KANK4: variants seen among roughly 807,000 people sequenced by gnomAD.
The protein encoded by KANK4 is KN motif and ankyrin repeat domain-containing protein 4.
KANK4 carries 50 observed loss-of-function variants against 80.8 expected under a neutral mutation model. The observed-to-expected ratio is 0.62, with a 90% CI of 0.49 to 0.78. The LOEUF (loss-of-function observed/expected upper bound fraction) is 0.78. Ranked by LOEUF, KANK4 falls within the 30% of genes least tolerant of loss-of-function variation. The probability of loss-of-function intolerance (pLI) is 0.00; values close to 1 mark genes in which losing one functional copy is unlikely to be tolerated. For synonymous variants in KANK4, 465 were observed against 506.9 expected (o/e 0.92, Z 1.11); for missense variants, 1,196 against 1,240.1 (o/e 0.96, Z 0.53).
intron 7 of KANK4, 30 bp downstream of exon 7, chr1:62,263,062 C>T: frequency 6.5e-7 from 1 of 1,546,782 alleles, no homozygotes; most frequent in Non-Finnish European, 8.9e-7. Context: ...AAGGAGGGAC[C>T]CAGACTGTAT....
At chr1:62,258,179 G>A (rs1281051756) in intron 7 of KANK4, among the ~76,000 whole-genome samples, 1 of 152,176 alleles carries the variant, frequency 6.6e-6, no homozygotes, top group Non-Finnish European at 1.5e-5. Context: ...ACTGGAAAAG[G>A]CAATTAAGAT....
chr1:62,288,436 G>A (rs978828551), intron 1 of KANK4, among the ~76,000 whole-genome samples: 3 of 152,190 alleles, frequency 2.0e-5, no homozygotes, highest in Non-Finnish European at 4.4e-5. Context: ...TCAGCGCTTT[G>A]GTAGGCTGTA....
At chr1:62,252,716 T>G (rs1430554995) in intron 8 of KANK4, among the ~76,000 whole-genome samples, 1 of 152,240 alleles carries the variant, frequency 6.6e-6, no homozygotes, top group Non-Finnish European at 1.5e-5. Flanking sequence ...TCAAGGTGGG[T>G]CACCTGTGAG....
chr1:62,302,723 AC>A (rs1644421999), intron 1 of KANK4, among the ~76,000 whole-genome samples: 1 of 152,152 alleles, frequency 6.6e-6, no homozygotes, highest in Non-Finnish European at 1.5e-5. Flanking sequence ...CAGCGCTTTG[AC>A]CCAGGACTTC....
intron 1 of KANK4, chr1:62,298,256 C>G (rs946399114): frequency 6.6e-6 from 1 of 152,196 alleles, no homozygotes; most frequent in African/African-American, 2.4e-5. Context: ...GAAGTGAACA[C>G]AGGAATCTGT....
At chr1:62,292,929 G>A (rs1672714065) in intron 1 of KANK4, among the ~76,000 whole-genome samples, 1 of 152,126 alleles carries the variant, frequency 6.6e-6, no homozygotes, top group Admixed American at 6.5e-5. Flanking sequence ...CTGGATAATT[G>A]CCTAATGCTT....
At chr1:62,312,854 GGC>G (rs770005754) in intron 1 of KANK4, among the ~76,000 whole-genome samples, 2 of 152,212 alleles carry the variant, frequency 1.3e-5, no homozygotes, top group Non-Finnish European at 2.9e-5. Flanking sequence ...TTAGAATGTA[GGC>G]CAGTGACCAG....
At chr1:62,317,189 T>C (rs79742895) in intron 1 of KANK4, among the ~76,000 whole-genome samples, 4,284 of 152,282 alleles carry the variant, frequency 0.028, 82 homozygotes, top group Non-Finnish European at 0.044. Context: ...AAATGCCATG[T>C]ATGCCACCCT....
chr1:62,297,191 C>A (rs147943398), intron 1 of KANK4, among the ~76,000 whole-genome samples: 53 of 152,212 alleles, frequency 3.5e-4, no homozygotes, highest in Non-Finnish European at 6.0e-4. Context: ...TGAGATTGCA[C>A]CACTGCACTC....
intron 1 of KANK4, among the ~76,000 whole-genome samples, chr1:62,286,155 C>T (rs1259950644): frequency 1.3e-5 from 2 of 152,236 alleles, no homozygotes; most frequent in Non-Finnish European, 2.9e-5. Context: ...TGGAGCTTCA[C>T]GAAGAAGAGA....
chr1:62,283,246 C>T (rs1672490378), intron 1 of KANK4, among the ~76,000 whole-genome samples: 1 of 152,206 alleles, frequency 6.6e-6, no homozygotes, highest in Non-Finnish European at 1.5e-5. Context: ...GCTCCCCTCT[C>T]CCTCCCACCC....
chr1:62,276,451 A>G (rs1672316447), intron 2 of KANK4, among the ~76,000 whole-genome samples: 1 of 152,116 alleles, frequency 6.6e-6, no homozygotes, highest in African/African-American at 2.4e-5. Context: ...CATCATCTGT[A>G]AAGTGGGAAT....
intron 1 of KANK4, among the ~76,000 whole-genome samples, chr1:62,303,512 C>G (rs1190714548): frequency 1.3e-5 from 2 of 151,990 alleles, no homozygotes; most frequent in Non-Finnish European, 2.9e-5. Context: ...CCCAAAAGCA[C>G]CCACCGCCCA....
chr1:62,305,372 G>A (rs1644442832), intron 1 of KANK4, among the ~76,000 whole-genome samples: 1 of 152,098 alleles, frequency 6.6e-6, no homozygotes, highest in African/African-American at 2.4e-5. Flanking sequence ...GAAATGGCGT[G>A]ATCTCGGCTC....
At chr1:62,310,038 C>T (rs934956918) in intron 1 of KANK4, among the ~76,000 whole-genome samples, 1 of 152,196 alleles carries the variant, frequency 6.6e-6, no homozygotes, top group African/African-American at 2.4e-5. Context: ...CAGGGAAGGC[C>T]AGCCCCGAGG....
chr1:62,306,226 G>A (rs1040050769), intron 1 of KANK4, among the ~76,000 whole-genome samples: 1 of 152,152 alleles, frequency 6.6e-6, no homozygotes, highest in Non-Finnish European at 1.5e-5. Flanking sequence ...CTGGCCTCAA[G>A]CGATCCTCCT....
intron 1 of KANK4, among the ~76,000 whole-genome samples, chr1:62,291,229 A>G (rs1295759553): frequency 1.3e-5 from 2 of 152,092 alleles, no homozygotes; most frequent in African/African-American, 4.8e-5. Flanking sequence ...TTTGTATATC[A>G]TCTTTGGAGA....
intron 8 of KANK4, 61 bp from the exon 9 acceptor site, chr1:62,247,733 C>T (rs1208317922): frequency 1.4e-6 from 2 of 1,437,280 alleles, no homozygotes; most frequent in Non-Finnish European, 1.9e-6. Flanking sequence ...ACCCCCTCTC[C>T]AGCCTGGGTG....
chr1:62,260,083 C>T (rs1214309733), intron 7 of KANK4, among the ~76,000 whole-genome samples: 2 of 151,222 alleles, frequency 1.3e-5, no homozygotes, highest in African/African-American at 2.4e-5. Flanking sequence ...CCAGTGGCCT[C>T]CACCTCCCTG....
Sources: gnomAD v4.1 joint callset for allele counts (sites outside exome capture counted in the v4.1 genomes callset) on GRCh38, gnomAD v4.1.1 for gene constraint, MANE v1.5 for transcripts, NCBI Gene and HGNC (gene_info 2026-07-23, HGNC 2026-07-21) for gene names.